The following CD44 variants were observed in gnomAD, a reference collection of about 807,000 sequenced individuals.
CD44 encodes CD44 molecule (IN blood group).
CD44 carries 49 observed loss-of-function variants against 88.8 expected under a neutral mutation model. The observed-to-expected ratio is 0.55, with a 90% CI of 0.44 to 0.70. The LOEUF (loss-of-function observed/expected upper bound fraction) is 0.70. CD44 is among the 30% of genes least tolerant of loss of function. The pLI is 0.00. For missense variants in CD44, 883 were observed against 913.8 expected, an observed-to-expected ratio of 0.97 and a Z score of 0.43; for synonymous variants, 325 against 312.3, an observed-to-expected ratio of 1.04 and a Z score of -0.43.
chr11:35,166,689 G>A (rs1010624405), intron 1 of CD44, among the ~76,000 whole-genome samples: 8 of 152,238 alleles, frequency 5.3e-5, no homozygotes, highest in Non-Finnish European at 7.3e-5. Context: ...GCGCCAAGAC[G>A]TTGGGGTGCC....
rs900530856 is a variant in CD44, at chr11:35,231,880, A to C, written c.*2547A>C. On this transcript the variant is annotated 3_prime_UTR_variant, in exon 18 of 18. Coordinates refer to ENST00000428726, the MANE Select transcript of CD44 (RefSeq NM_000610.4). ...AATTGTAAATCTTTTGTGTCTCCTGAAGACTTCCCTTAAAATTAGCTCTGA... is the reference window on the plus strand; with the variant it reads ...AATTGTAAATCTTTTGTGTCTCCTGCAGACTTCCCTTAAAATTAGCTCTGA... The C allele has an allele frequency of 1.3e-5, 2 of 152,262 alleles. No homozygotes were observed. The highest frequency in any genetic ancestry group is 6.5e-5 in the Admixed American group (1 of 15,282). The allele number at this position is 152,262 out of a possible 1,614,324, so 9.4% of individuals were successfully genotyped here.
At chr11:35,219,210 T>C in intron 15 of CD44, 106 bp from the exon 16 acceptor site, 1 of 798,198 alleles carries the variant, frequency 1.3e-6, no homozygotes, top group Admixed American at 1.9e-5. Context: ...CATAAATGGC[T>C]TCTCAGTGAT....
chr11:35,139,857 T>G (rs1857553114), intron 1 of CD44, among the ~76,000 whole-genome samples: 1 of 152,232 alleles, frequency 6.6e-6, no homozygotes, highest in African/African-American at 2.4e-5. Context: ...TGAGACTAGC[T>G]GGCAATGGGT....
At chr11:35,186,038 T>C (rs1171923686) in intron 3 of CD44, among the ~76,000 whole-genome samples, 1 of 132,768 alleles carries the variant, frequency 7.5e-6, no homozygotes, top group South Asian at 2.5e-4. Flanking sequence ...GAGTAGAGGA[T>C]AAAACGAGAA....
intron 5 of CD44, 39 bp from the exon 6 acceptor site, chr11:35,196,707 T>G (rs1039309013): frequency 5.0e-6 from 8 of 1,604,602 alleles, no homozygotes; most frequent in Non-Finnish European, 6.8e-6. Context: ...GAACCGTTAA[T>G]TAATCTTTCA....
intron 15 of CD44, among the ~76,000 whole-genome samples, chr11:35,215,330 G>A (rs561391319): frequency 5.3e-5 from 8 of 152,126 alleles, no homozygotes; most frequent in Non-Finnish European, 1.0e-4. Context: ...CCAGCCCTCC[G>A]CATATTAACT....
intron 2 of CD44, among the ~76,000 whole-genome samples, chr11:35,179,533 C>T (rs1375456928): frequency 1.3e-5 from 2 of 152,226 alleles, no homozygotes; most frequent in East Asian, 1.9e-4. Context: ...GAGAGAGGGG[C>T]TATGCATTTC....
rs563735302 is a variant in CD44, at chr11:35,164,057, A to G, written c.68-12518A>G. Reference sequence around the variant, plus strand: ...GAGCCTGGCACACAGTAGGTACTCTATTAGTGTTAATATCACTGGAAAACC... The same window carrying G: ...GAGCCTGGCACACAGTAGGTACTCTGTTAGTGTTAATATCACTGGAAAACC... On this transcript the variant is annotated intron_variant, in intron 1 of 17. Transcript: ENST00000428726. 4.6e-5 allele frequency among the ~76,000 whole-genome samples: 7 copies of G among 152,194 alleles called. No individual in the cohort carries two copies. In the South Asian group the frequency reaches 1.2e-3, roughly 27 times the overall value.
At chr11:35,200,974 T>TATAG in intron 7 of CD44, 108 bp from the exon 8 acceptor site, 1 of 808,854 alleles carries the variant, frequency 1.2e-6, no homozygotes. Context: ...TACAACCTGG[T>TATAG]ATAGATGATT....
chr11:35,224,557 C>T (rs529960405), intron 17 of CD44, among the ~76,000 whole-genome samples: 8 of 151,896 alleles, frequency 5.3e-5, no homozygotes, highest in African/African-American at 1.7e-4. Context: ...GGCAACATGG[C>T]GAAACCCCAT....
chr11:35,147,183 TTGAC>T (rs1221190445), intron 1 of CD44, among the ~76,000 whole-genome samples: 1 of 152,174 alleles, frequency 6.6e-6, no homozygotes, highest in Non-Finnish European at 1.5e-5. Context: ...AGCTAGAACT[TTGAC>T]TGGGAAATGA....
At chr11:35,218,334 T>C (rs563875006) in intron 15 of CD44, among the ~76,000 whole-genome samples, 17 of 152,318 alleles carry the variant, frequency 1.1e-4, no homozygotes, top group African/African-American at 4.1e-4. Context: ...CTAAACTCCT[T>C]ATTTATTTAT....
At chr11:35,182,659 T>TC (rs1945267059) in intron 3 of CD44, among the ~76,000 whole-genome samples, 2 of 152,142 alleles carry the variant, frequency 1.3e-5, no homozygotes, top group Admixed American at 1.3e-4. Flanking sequence ...TCTAGCTAGC[T>TC]CCATCTCAGT....
At chr11:35,171,837 G>T (rs1021557659) in intron 1 of CD44, among the ~76,000 whole-genome samples, 3 of 149,174 alleles carry the variant, frequency 2.0e-5, no homozygotes, top group Non-Finnish European at 4.5e-5. Flanking sequence ...TAAAGATTAA[G>T]TAACAAAAAA....
intron 2 of CD44, among the ~76,000 whole-genome samples, chr11:35,178,834 C>A (rs1196270478): frequency 1.3e-5 from 2 of 152,180 alleles, no homozygotes; most frequent in Non-Finnish European, 1.5e-5. Flanking sequence ...AGAAATCTAT[C>A]ATTTCACCCA....
intron 1 of CD44, among the ~76,000 whole-genome samples, chr11:35,149,626 T>A (rs1859920678): frequency 6.6e-6 from 1 of 152,188 alleles, no homozygotes; most frequent in Non-Finnish European, 1.5e-5. Context: ...TTTCCATGTG[T>A]AAAATGCGAG....
intron 17 of CD44, among the ~76,000 whole-genome samples, chr11:35,227,928 A>T (rs1949819736): frequency 6.6e-6 from 1 of 152,220 alleles, no homozygotes. Flanking sequence ...TTTTGGCCTC[A>T]GTTTCCATTG....
At chr11:35,199,934 G>GTTTTTTTTTTTTTT (rs60509735) in intron 7 of CD44, among the ~76,000 whole-genome samples, 3 of 90,882 alleles carry the variant, frequency 3.3e-5, no homozygotes, top group Admixed American at 1.3e-4. Flanking sequence ...CCATGGTGTT[G>GTTTTTTTTTTTTTT]TTTTTTTTTT....
intron 7 of CD44, among the ~76,000 whole-genome samples, chr11:35,198,967 CAAAA>C (rs11340143): frequency 7.8e-6 from 1 of 128,018 alleles, no homozygotes; most frequent in Non-Finnish European, 1.6e-5. Flanking sequence ...GACTCCATCT[CAAAA>C]AAAAAAAAAA....
Sources: gnomAD v4.1 joint callset for allele counts (sites outside exome capture counted in the v4.1 genomes callset) on GRCh38, gnomAD v4.1.1 for gene constraint, MANE v1.5 for transcripts, NCBI Gene and HGNC (gene_info 2026-07-23, HGNC 2026-07-21) for gene names.